PALD1: variants seen among roughly 807,000 people sequenced by gnomAD.
PALD1 encodes the protein paladin.
In PALD1, 57 loss-of-function variants were observed where a neutral mutation model predicts 96.0. The ratio of observed to expected loss-of-function variants is 0.59; its 90% CI spans 0.48 to 0.74. The LOEUF (loss-of-function observed/expected upper bound fraction) is 0.74, where lower values mean the gene tolerates loss of function less well. Ranked by LOEUF, PALD1 falls within the 30% of genes least tolerant of loss-of-function variation. PALD1 has a pLI of 0.00. For missense variants in PALD1, 1,063 were observed against 1,143.7 expected, an observed-to-expected ratio of 0.93 and a Z score of 1.02; for synonymous variants, 464 against 473.6, an observed-to-expected ratio of 0.98 and a Z score of 0.26.
chr10:70,534,200 T>C (rs897381447), intron 8 of PALD1, 127 bp downstream of exon 8: 9 of 1,174,872 alleles, frequency 7.7e-6, no homozygotes, highest in Non-Finnish European at 1.0e-5. Flanking sequence ...TGGGGTTCAT[T>C]TCCTGGTTTG....
chr10:70,566,696 G>T lies in PALD1; in HGVS notation c.2534G>T (p.Cys845Phe). 2.5e-6 allele frequency: 4 copies of T among 1,605,320 alleles called. No homozygotes were observed. The highest frequency in any genetic ancestry group is 3.4e-6 in the Non-Finnish European group (4 of 1,177,426). The change falls in exon 20 of 20, where the codon TGC (cysteine) becomes TTC (phenylalanine). Residue 845 changes from cysteine (C) to phenylalanine (F), a missense_variant. Physicochemically the swap from Cys to Phe is radical, Grantham distance 205. Coordinates refer to ENST00000263563, the MANE Select transcript of PALD1 (RefSeq NM_014431.3). ...CGCTACCGGTGGCAGGAGCAGAGCT[G>T]CAGCCTCGAGCCCTCTGCCCCCGAG... ...RLRYRWQEQS[C>F]SLEPSAPEDL...
chr10:70,513,669 T>G (rs76918046), intron 1 of PALD1, among the ~76,000 whole-genome samples: 11,204 of 152,266 alleles, frequency 0.074, 498 homozygotes, highest in Middle Eastern at 0.12. Flanking sequence ...AACAAGGGCA[T>G]TCTCCTTTTA....
chr10:70,476,597 C>T (rs906041435), upstream of PALD1, among the ~76,000 whole-genome samples: 28 of 152,172 alleles, frequency 1.8e-4, no homozygotes, highest in African/African-American at 6.5e-4. Flanking sequence ...CCTCAGCCCC[C>T]TACCTACCAG....
upstream of PALD1, among the ~76,000 whole-genome samples, chr10:70,475,232 C>T (rs1022695559): frequency 6.6e-6 from 1 of 152,164 alleles, no homozygotes; most frequent in African/African-American, 2.4e-5. Context: ...TGCTTAAAGC[C>T]CTTGTCTTTA....
At chr10:70,513,223 G>A (rs529199904) in intron 1 of PALD1, among the ~76,000 whole-genome samples, 405 of 152,256 alleles carry the variant, frequency 2.7e-3, no homozygotes, top group African/African-American at 9.1e-3. Context: ...CGCCGGGTGC[G>A]GTGGCTTATG....
At chr10:70,517,210 G>A (rs574715393) in intron 1 of PALD1, among the ~76,000 whole-genome samples, 15 of 152,316 alleles carry the variant, frequency 9.8e-5, no homozygotes, top group African/African-American at 2.9e-4. Flanking sequence ...CACAGCTGAT[G>A]AATGACGGAG....
At chr10:70,557,006 A>G (rs921275832) in intron 18 of PALD1, among the ~76,000 whole-genome samples, 2 of 152,236 alleles carry the variant, frequency 1.3e-5, no homozygotes, top group Non-Finnish European at 2.9e-5. Flanking sequence ...TGAGTAAATC[A>G]TTGCATAAAT....
chr10:70,510,336 A>G (rs1415925007), intron 1 of PALD1, among the ~76,000 whole-genome samples: 3 of 152,056 alleles, frequency 2.0e-5, no homozygotes, highest in Non-Finnish European at 2.9e-5. Flanking sequence ...CAGCCAGGAG[A>G]GTGTCAGCAG....
At chr10:70,552,491 CAG>C (rs891947030) in intron 18 of PALD1, among the ~76,000 whole-genome samples, 8 of 152,140 alleles carry the variant, frequency 5.3e-5, no homozygotes, top group African/African-American at 1.7e-4. Flanking sequence ...ATGTTTCAAA[CAG>C]AAAATTTCAA....
At position 70,557,930 on chromosome 10, in the gene PALD1, C is replaced by CTTTTTTTTTTTT. The variant is rs781513750; in HGVS notation, c.2263-6425_2263-6414dup. 5.7e-4 allele frequency among the ~76,000 whole-genome samples: 53 copies of CTTTTTTTTTTTT among 92,868 alleles called. 6 individuals are homozygous for CTTTTTTTTTTTT. Among genetic ancestry groups the CTTTTTTTTTTTT allele is most frequent in the African/African-American group, 9.2e-4 (23 of 25,082 alleles). The allele number at this position is 92,868 out of a possible 152,430, so 60.9% of individuals were successfully genotyped here. ...CTGAACCTGGCCTTGTTGGCTCTTC[C>CTTTTTTTTTTTT]TTTTTTTTTTTTTTTTTTTTAGAGA... On this transcript the variant is annotated intron_variant, in intron 18 of 19. Coordinates refer to ENST00000263563, the MANE Select transcript of PALD1 (RefSeq NM_014431.3).
At chr10:70,528,508 A>C (rs1277876066) in intron 2 of PALD1, among the ~76,000 whole-genome samples, 1 of 152,214 alleles carries the variant, frequency 6.6e-6, no homozygotes, top group African/African-American at 2.4e-5. Flanking sequence ...TAGAGTTACC[A>C]AGCGGTGGGT....
At position 70,566,931 on chromosome 10, in the gene PALD1, C is replaced by G. The variant is rs1195906166; in HGVS notation, c.*198C>G. On this transcript the variant is annotated 3_prime_UTR_variant, in exon 20 of 20. Coordinates refer to ENST00000263563, the MANE Select transcript of PALD1 (RefSeq NM_014431.3). ...AGGGAGACAGCACAGCCATCCCTTG[C>G]AAACCACCAAGGTGTGTGGCTGACC... The G allele has an allele frequency of 1.4e-5, 8 of 558,876 alleles. No individual in the cohort carries two copies. The highest frequency in any genetic ancestry group is 4.6e-4 in the Middle Eastern group (1 of 2,194). The allele number at this position is 558,876 out of a possible 1,614,324, so 34.6% of individuals were successfully genotyped here.
chr10:70,502,886 C>CTCTTT (rs1171370568), intron 1 of PALD1, among the ~76,000 whole-genome samples: 2 of 152,060 alleles, frequency 1.3e-5, no homozygotes, highest in Non-Finnish European at 2.9e-5. Context: ...TTTCTCTTCT[C>CTCTTT]TCTTTTCTTT....
At chr10:70,485,026 G>T (rs374945971) in intron 1 of PALD1, among the ~76,000 whole-genome samples, 32 of 152,254 alleles carry the variant, frequency 2.1e-4, no homozygotes, top group African/African-American at 7.2e-4. Flanking sequence ...CCCATTTTTA[G>T]CAGTGTTGTA....
chr10:70,507,747 G>C (rs1402140000), intron 1 of PALD1, among the ~76,000 whole-genome samples: 1 of 78,526 alleles, frequency 1.3e-5, no homozygotes, highest in Admixed American at 1.9e-4. Context: ...TGTTTTGTGT[G>C]TGCGTGTGTG....
chr10:70,562,960 A>G (rs1048370059), intron 18 of PALD1, among the ~76,000 whole-genome samples: 3 of 152,080 alleles, frequency 2.0e-5, no homozygotes, highest in African/African-American at 7.2e-5. Context: ...TCTCCCATAC[A>G]TCTTCTGTTA....
chr10:70,495,299 C>T (rs1846174094), intron 1 of PALD1, among the ~76,000 whole-genome samples: 2 of 152,214 alleles, frequency 1.3e-5, no homozygotes, highest in Admixed American at 6.5e-5. Flanking sequence ...ACAATGTATA[C>T]AGTGTATCAT....
chr10:70,525,173 G>A (rs1480296362), intron 1 of PALD1, among the ~76,000 whole-genome samples: 1 of 142,582 alleles, frequency 7.0e-6, no homozygotes, highest in East Asian at 2.0e-4. Flanking sequence ...GGCTAATTTT[G>A]TATTTTTTTT....
chr10:70,471,012 G>T, the PALD1 span, among the ~76,000 whole-genome samples: 1 of 151,880 alleles, frequency 6.6e-6, no homozygotes, highest in Non-Finnish European at 1.5e-5. Flanking sequence ...TAGAGACGGG[G>T]TTTCACCATG....
Sources: allele counts gnomAD v4.1 joint callset (sites outside exome capture counted in the v4.1 genomes callset), GRCh38; gene constraint gnomAD v4.1.1; transcripts MANE v1.5; gene names NCBI Gene and HGNC (gene_info 2026-07-23, HGNC 2026-07-21).